The following MCC variants were observed in gnomAD, a reference collection of about 807,000 sequenced individuals.
The protein encoded by MCC is MCC regulator of Wnt signaling pathway, also known as colorectal mutant cancer protein.
In MCC, 90 loss-of-function variants were observed where a neutral mutation model predicts 116.2. That is an observed-to-expected ratio of 0.77 (90% CI 0.65 to 0.92). The LOEUF (loss-of-function observed/expected upper bound fraction) is 0.92. MCC is among the 40% of genes least tolerant of loss of function. The pLI, the probability that MCC is intolerant of heterozygous loss-of-function variation, is 0.00. For missense variants in MCC, 1,516 were observed against 1,312.2 expected, an observed-to-expected ratio of 1.16 and a Z score of -2.40; for synonymous variants, 578 against 510.5, an observed-to-expected ratio of 1.13 and a Z score of -1.78.
intron 3 of MCC, among the ~76,000 whole-genome samples, chr5:113,256,987 CAGGAGG>C (rs1457652000): frequency 6.6e-6 from 1 of 152,156 alleles, no homozygotes; most frequent in East Asian, 1.9e-4. Context: ...AAGAATCTGG[CAGGAGG>C]TCTGGATGGT....
At chr5:113,437,915 T>C (rs2150414335) in intron 1 of MCC, among the ~76,000 whole-genome samples, 1 of 152,314 alleles carries the variant, frequency 6.6e-6, no homozygotes, top group South Asian at 2.1e-4. Flanking sequence ...CTGCTTCACA[T>C]CTCAGGTCTG....
chr5:113,444,030 A>T (rs912931622), intron 1 of MCC, among the ~76,000 whole-genome samples: 1 of 129,972 alleles, frequency 7.7e-6, no homozygotes, highest in Non-Finnish European at 1.6e-5. Flanking sequence ...TGTTTAGTAG[A>T]GATGGGGTTT....
chr5:113,473,266 G>A (rs1772142831), intron 1 of MCC, among the ~76,000 whole-genome samples: 1 of 152,130 alleles, frequency 6.6e-6, no homozygotes, highest in Admixed American at 6.5e-5. Context: ...GCTCACACCT[G>A]TAATCCGAGC....
chr5:113,168,317 A>G (rs1251453858), intron 3 of MCC, among the ~76,000 whole-genome samples: 3 of 152,236 alleles, frequency 2.0e-5, no homozygotes, highest in Non-Finnish European at 2.9e-5. Context: ...CCTTTTCCAG[A>G]TAAATGCCAG....
At chr5:113,084,514 C>G (rs1008534244) in intron 9 of MCC, among the ~76,000 whole-genome samples, 1 of 152,208 alleles carries the variant, frequency 6.6e-6, no homozygotes, top group Non-Finnish European at 1.5e-5. Flanking sequence ...TAGACATTGC[C>G]AAATGTCCCC....
intron 3 of MCC, among the ~76,000 whole-genome samples, chr5:113,241,925 A>T (rs1052412923): frequency 6.6e-6 from 1 of 152,220 alleles, no homozygotes; most frequent in Non-Finnish European, 1.5e-5. Flanking sequence ...GCTTCAAATC[A>T]GATTTTTTAC....
At chr5:113,091,840 A>G (rs1280070553) in intron 8 of MCC, among the ~76,000 whole-genome samples, 1 of 151,896 alleles carries the variant, frequency 6.6e-6, no homozygotes, top group East Asian at 1.9e-4. Context: ...GGCTAGGAGG[A>G]TCACACCACT....
At chr5:113,054,582 G>C (rs1177569433) in intron 14 of MCC, among the ~76,000 whole-genome samples, 1 of 152,196 alleles carries the variant, frequency 6.6e-6, no homozygotes, top group Non-Finnish European at 1.5e-5. Flanking sequence ...GGGCTGTTTT[G>C]CTGTGTTTAC....
chr5:113,269,546 A>G (rs1326033735), intron 3 of MCC, among the ~76,000 whole-genome samples: 1 of 152,222 alleles, frequency 6.6e-6, no homozygotes, highest in Non-Finnish European at 1.5e-5. Context: ...CCATTATTAC[A>G]CTTGCTAATT....
intron 6 of MCC, among the ~76,000 whole-genome samples, chr5:113,113,978 T>C (rs1757251283): frequency 7.0e-6 from 1 of 143,722 alleles, no homozygotes; most frequent in Non-Finnish European, 1.5e-5. Context: ...AATTCTCAGG[T>C]GTGATGAAGG....
chr5:113,182,826 A>G (rs562863457), intron 3 of MCC, among the ~76,000 whole-genome samples: 2 of 152,324 alleles, frequency 1.3e-5, no homozygotes. Context: ...AGGAACTGAC[A>G]ATCCAGATGG....
At chr5:113,422,284 T>C (rs917465359) in intron 1 of MCC, among the ~76,000 whole-genome samples, 7 of 152,094 alleles carry the variant, frequency 4.6e-5, no homozygotes, top group African/African-American at 1.7e-4. Context: ...TATTCCACCA[T>C]ACAGATACAA....
intron 3 of MCC, among the ~76,000 whole-genome samples, chr5:113,265,156 C>T (rs547108389): frequency 3.9e-5 from 6 of 152,292 alleles, no homozygotes; most frequent in African/African-American, 1.4e-4. Context: ...ACCTGCAAAG[C>T]TTAAAATATT....
Position 113,434,688 on chromosome 5 carries a change from TC to T in MCC, c.171-49477del. 1 of 1,613,992 alleles carries T rather than the reference TC, an allele frequency of 6.2e-7. No homozygotes were observed. Among genetic ancestry groups the T allele is most frequent in the Non-Finnish European group, 8.5e-7 (1 of 1,179,912 alleles). ...CCGGGGAAGGAATTTCTCCAAGAAG[TC>T]TGCGGGGGCCTTCTTGCGGTCGATG... On this transcript the variant is annotated intron_variant, in intron 1 of 18. Transcript: ENST00000408903. This position sits in a 1 kb window ranked among gnomAD's most constrained non-coding sequence, Gnocchi z 4.2.
At chr5:113,442,633 T>C (rs892460385) in intron 1 of MCC, among the ~76,000 whole-genome samples, 1 of 152,244 alleles carries the variant, frequency 6.6e-6, no homozygotes, top group Admixed American at 6.5e-5. Flanking sequence ...TGTTTTTAGG[T>C]CTTACATTTA....
chr5:113,080,826 AAG>A lies in MCC; in HGVS notation c.1784+2032_1784+2033del, dbSNP rs1180234264. 1.4e-3 allele frequency among the ~76,000 whole-genome samples: 198 copies of A among 142,238 alleles called. 8 individuals carry two copies. The highest frequency in any genetic ancestry group is 4.1e-3 in the African/African-American group (146 of 35,796). 93.3% of individuals were successfully genotyped at this position (142,238 alleles called of 152,430 possible). On this transcript the variant is annotated intron_variant, in intron 11 of 18. Coordinates refer to ENST00000408903, the MANE Select transcript of MCC (RefSeq NM_001085377.2). ...ATTAACAACAACAACAAAAAAAAAA[AAG>A]AAAAGAAAAAAGAAAAATCACCCCT... is the stretch of plus-strand genomic sequence containing the variant.
rs1208827681 is a variant in MCC at position 113,220,069 on chromosome 5, T to TTTTTC, written c.628-68648_628-68647insGAAAA. Among the ~76,000 whole-genome samples the TTTTTC allele has an allele frequency of 5.5e-4, 27 of 48,904 alleles. 2 individuals carry two copies. Among genetic ancestry groups the TTTTTC allele is most frequent in the African/African-American group, 9.8e-4 (25 of 25,554 alleles). 32.1% of individuals were successfully genotyped at this position (48,904 alleles called of 152,430 possible). A position where few individuals can be genotyped will look rare whatever the true frequency, so the allele number is the denominator to read the frequency against. ...TGCATGTCAATTTCTTTTTCTTTTT[T>TTTTTC]TTTTTTGAGACGGAGTCTTGCTCTG... is the stretch of plus-strand genomic sequence containing the variant. On this transcript the variant is annotated intron_variant, in intron 3 of 18. Transcript: ENST00000408903.
intron 3 of MCC, among the ~76,000 whole-genome samples, chr5:113,158,223 C>T (rs776902075): frequency 1.3e-5 from 2 of 152,224 alleles, no homozygotes; most frequent in Non-Finnish European, 2.9e-5. Context: ...CTGTACTATT[C>T]TGTCTTTCTA....
chr5:113,438,651 A>G (rs1770938965), intron 1 of MCC, among the ~76,000 whole-genome samples: 1 of 152,176 alleles, frequency 6.6e-6, no homozygotes, highest in African/African-American at 2.4e-5. Context: ...TCAGTATAAT[A>G]TAGATCTATT....
Sources: gnomAD v4.1 joint callset for allele counts (sites outside exome capture counted in the v4.1 genomes callset) on GRCh38, gnomAD v4.1.1 for gene constraint, Gnocchi (gnomAD v3.1) non-coding constraint, MANE v1.5 for transcripts, NCBI Gene and HGNC (gene_info 2026-07-23, HGNC 2026-07-21) for gene names.